The following IYD variants were observed in gnomAD, a reference collection of about 807,000 sequenced individuals.
IYD encodes the protein iodotyrosine deiodinase 1.
Under a neutral mutation model 28.4 loss-of-function variants are expected in IYD, and 25 were observed. The ratio of observed to expected loss-of-function variants is 0.88; its 90% CI spans 0.64 to 1.23. The LOEUF is 1.23. Ranked by LOEUF, IYD falls within the 50% of genes most tolerant of loss-of-function variation. The pLI is 0.00. For synonymous variants in IYD, 140 were observed against 130.8 expected, an observed-to-expected ratio of 1.07 and a Z score of -0.48; for missense variants, 352 against 357.9, an observed-to-expected ratio of 0.98 and a Z score of 0.13.
In IYD at chr6:150,398,219, G is replaced by C; in HGVS notation, c.852G>C (p.Gln284His). The change falls in exon 5 of 5, where the codon CAG becomes CAC. Residue 284 changes from glutamine to histidine, a missense_variant. Transcript: ENST00000344419. ...VPDLKRKPLD[Q>H]IMVTV ...ACCTCAAGCGCAAACCTCTGGACCA[G>C]ATCATGGTGACAGTGTAGGCAGGGC... 6.2e-7 allele frequency: 1 copy of C among 1,614,166 alleles called. No homozygotes were observed. The highest frequency in any genetic ancestry group is 8.5e-7 in the Non-Finnish European group (1 of 1,180,036).
chr6:150,389,917 A>T (rs2115048685), intron 2 of IYD, among the ~76,000 whole-genome samples: 1 of 152,260 alleles, frequency 6.6e-6, no homozygotes, highest in East Asian at 1.9e-4. Context: ...GCATACTCAC[A>T]GTTATATTTG....
intron 1 of IYD, among the ~76,000 whole-genome samples, chr6:150,383,736 G>A (rs751848779): frequency 6.8e-6 from 1 of 147,370 alleles, no homozygotes; most frequent in Non-Finnish European, 1.5e-5. Context: ...GCTGAGGTGG[G>A]AGGATTGCTT....
intron 4 of IYD, chr6:150,395,312 A>AG: frequency 3.3e-6 from 3 of 911,468 alleles, no homozygotes; most frequent in Non-Finnish European, 3.2e-6. Context: ...TAAAAAAAAA[A>AG]GAGAGCTTCT....
intron 2 of IYD, among the ~76,000 whole-genome samples, chr6:150,390,740 G>A (rs1418757422): frequency 6.6e-6 from 1 of 152,162 alleles, no homozygotes; most frequent in Admixed American, 6.5e-5. Context: ...CATCTCTAGG[G>A]TTGAGGGACG....
chr6:150,393,046 T>TGTTG (rs1458813498), intron 3 of IYD, among the ~76,000 whole-genome samples: 2 of 151,900 alleles, frequency 1.3e-5, no homozygotes, highest in African/African-American at 4.8e-5. Flanking sequence ...GAATGGAGAG[T>TGTTG]GTTGGTTCAT....
intron 1 of IYD, chr6:150,385,251 T>C (rs1777817208): frequency 6.6e-6 from 1 of 152,198 alleles, no homozygotes; most frequent in Non-Finnish European, 1.5e-5. Flanking sequence ...AAAATTAATC[T>C]TTCATATTTA....
At chr6:150,380,774 C>A (rs1777619094) in intron 1 of IYD, among the ~76,000 whole-genome samples, 1 of 152,192 alleles carries the variant, frequency 6.6e-6, no homozygotes, top group African/African-American at 2.4e-5. Flanking sequence ...TTTGGTCTCT[C>A]ACTTCCCAAC....
chr6:150,387,110 G>A (rs1582788769), intron 1 of IYD, among the ~76,000 whole-genome samples: 2 of 151,972 alleles, frequency 1.3e-5, no homozygotes, highest in South Asian at 2.1e-4. Flanking sequence ...TGCCATTTAC[G>A]TAGCTTACCT....
At chr6:150,370,801 A>G (rs1234640781) in intron 1 of IYD, 1 of 330,338 alleles carries the variant, frequency 3.0e-6, no homozygotes, top group Non-Finnish European at 4.3e-6. Flanking sequence ...AAAGGAGGAG[A>G]GAGGGAGAGT....
At chr6:150,380,286 T>A (rs969993149) in intron 1 of IYD, among the ~76,000 whole-genome samples, 3 of 152,186 alleles carry the variant, frequency 2.0e-5, no homozygotes, top group African/African-American at 7.2e-5. Flanking sequence ...TTTATTCCAC[T>A]GTACCACCAT....
Position 150,394,137 on chromosome 6 carries a change from T to C in IYD, c.569T>C (p.Ile190Thr). Residue 190 changes from isoleucine (I) to threonine (T), a missense_variant, in exon 4 of 5, where the codon ATT becomes ACT. Ile to Thr is a moderately conservative substitution (Grantham distance 89, BLOSUM62 -1). Transcript: ENST00000344419. ...AAAGAGTACTTGGATACTGCCCCTA[T>C]TTTGATTCTCATTTTCAAACAAGTA... is the stretch of plus-strand genomic sequence containing the variant. ...WIKEYLDTAP[I>T]LILIFKQVHG... 6.2e-7 allele frequency: 1 copy of C among 1,614,208 alleles called. No individual in the cohort carries two copies. The highest frequency in any genetic ancestry group is 8.5e-7 in the Non-Finnish European group (1 of 1,180,016).
chr6:150,398,062 G>C lies in IYD; in HGVS notation c.695G>C (p.Gly232Ala). The change falls in exon 5 of 5, where the codon GGT becomes GCT. Residue 232 changes from glycine to alanine, a missense_variant. Transcript: ENST00000344419. The part of the protein sequence containing the change: ...GILLAALQNA[G>A]LVTVTTTPLN... Reference sequence around the variant, plus strand: ...CTTGTCCTCTTATTTTAGAATGCAGGTCTGGTGACTGTCACTACCACTCCT... The same window carrying C: ...CTTGTCCTCTTATTTTAGAATGCAGCTCTGGTGACTGTCACTACCACTCCT... 6.2e-7 allele frequency: 1 copy of C among 1,614,128 alleles called. No individual in the cohort carries two copies. Among genetic ancestry groups the C allele is most frequent in the South Asian group, 1.1e-5 (1 of 91,068 alleles).
intron 1 of IYD, among the ~76,000 whole-genome samples, chr6:150,382,186 G>A (rs569635193): frequency 1.2e-4 from 18 of 152,238 alleles, no homozygotes; most frequent in Admixed American, 2.0e-4. Context: ...TGCAGTGGTC[G>A]TATAAAGGTC....
At chr6:150,388,016 T>G (rs805992) in intron 1 of IYD, among the ~76,000 whole-genome samples, 60,312 of 152,000 alleles carry the variant, frequency 0.4, 13,559 homozygotes, top group Non-Finnish European at 0.52. Flanking sequence ...ATTCTGCTGT[T>G]TCTTGTCCAA....
At position 150,394,240 on chromosome 6, in the gene IYD, G is replaced by C; in HGVS notation, c.672G>C (p.Leu224=). 3.7e-6 allele frequency: 6 copies of C among 1,614,180 alleles called. No homozygotes were observed. The highest frequency in any genetic ancestry group is 5.1e-6 in the Non-Finnish European group (6 of 1,180,034). Reference sequence around the variant, plus strand: ...GTGTTTCCATCGCTTGTGGCATCCTGCTAGCTGCCCTGCAGGTATGTTGAG... The same window carrying C: ...GTGTTTCCATCGCTTGTGGCATCCTCCTAGCTGCCCTGCAGGTATGTTGAG... ...EISVSIACGI[L]LAALQNAGLV... The change falls in exon 4 of 5, where the codon CTG becomes CTC. Residue 224 remains leucine, a synonymous_variant. Coordinates refer to ENST00000344419, the MANE Select transcript of IYD (RefSeq NM_203395.3).
chr6:150,376,508 G>A (rs918001084), intron 1 of IYD, among the ~76,000 whole-genome samples: 11 of 152,066 alleles, frequency 7.2e-5, no homozygotes, highest in African/African-American at 2.7e-4. Flanking sequence ...GAAGGCGAGG[G>A]GTGGAACTTC....
At chr6:150,385,463 G>C (rs1736686783) in intron 1 of IYD, among the ~76,000 whole-genome samples, 1 of 149,848 alleles carries the variant, frequency 6.7e-6, no homozygotes, top group South Asian at 2.1e-4. Context: ...TGATTTTTGT[G>C]GTTTACGTTC....
At chr6:150,373,049 A>G (rs1777327566) in intron 1 of IYD, among the ~76,000 whole-genome samples, 1 of 152,200 alleles carries the variant, frequency 6.6e-6, no homozygotes, top group South Asian at 2.1e-4. Flanking sequence ...AACACATCTC[A>G]TCAAGATGAA....
rs35430834 is a variant in IYD at position 150,394,124 on chromosome 6, G to C, written c.556G>C (p.Asp186His). The stretch of plus-strand genomic sequence containing the variant: ...AACCAACTGGATTAAAGAGTACTTG[G>C]ATACTGCCCCTATTTTGATTCTCAT... ...LRTNWIKEYL[D>H]TAPILILIFK... is the part of the protein sequence containing the mutation. The change falls in exon 4 of 5, where the codon GAT becomes CAT. Residue 186 changes from aspartate to histidine, a missense_variant. Transcript: ENST00000344419. The C allele has an allele frequency of 1.1e-4, 184 of 1,614,112 alleles. No homozygotes were observed. Among genetic ancestry groups the C allele is most frequent in the South Asian group, 8.8e-4 (80 of 91,082 alleles).
Sources: allele counts gnomAD v4.1 joint callset (sites outside exome capture counted in the v4.1 genomes callset), GRCh38; gene constraint gnomAD v4.1.1; transcripts MANE v1.5; gene names NCBI Gene and HGNC (gene_info 2026-07-23, HGNC 2026-07-21).